HSPA14: variants seen among roughly 807,000 people sequenced by gnomAD.
HSPA14 encodes heat shock 70 kDa protein 14.
A neutral mutation model predicts 65.5 loss-of-function variants in HSPA14; 37 were observed. That is an observed-to-expected ratio of 0.56 (90% CI 0.43 to 0.74). The LOEUF is 0.74. Ranked by LOEUF, HSPA14 falls within the 30% of genes least tolerant of loss-of-function variation. The pLI is 0.00. For synonymous variants in HSPA14, 203 were observed against 214.2 expected (o/e 0.95, Z 0.46); for missense variants, 564 against 607.6 (o/e 0.93, Z 0.75).
At chr10:14,845,998 A>G in intron 3 of HSPA14, 8 of 934,340 alleles carry the variant, frequency 8.6e-6, no homozygotes, top group Non-Finnish European at 8.9e-6. Context: ...TAATTGTAAT[A>G]TTTTCTGTCA....
At chr10:14,843,582 G>A in intron 3 of HSPA14, 1 of 1,550,644 alleles carries the variant, frequency 6.4e-7, no homozygotes. Flanking sequence ...GTGGGGATAG[G>A]CCCTTGACCA....
intron 10 of HSPA14, among the ~76,000 whole-genome samples, chr10:14,863,095 TA>T (rs1832770718): frequency 6.6e-6 from 1 of 152,264 alleles, no homozygotes; most frequent in East Asian, 1.9e-4. Flanking sequence ...ATCTTAAAGC[TA>T]TATAATGAAT....
In HSPA14 at chr10:14,838,464, G is replaced by C. The variant is rs751539073; in HGVS notation, c.57+5G>C. On this transcript the variant is annotated splice_donor_5th_base_variant and intron_variant, in intron 1 of 13. Transcript: ENST00000378372. ...GCCTGTGTGGCCGTCTATAAGGTGA[G>C]GGGCTGCGGAGCTGGGCTAGGGCTT... 10 of 1,602,104 alleles carry C rather than the reference G, an allele frequency of 6.2e-6. No homozygotes were observed. Among genetic ancestry groups the C allele is most frequent in the Middle Eastern group, 1.7e-4 (1 of 5,766 alleles).
chr10:14,846,519 C>G lies in HSPA14; in HGVS notation c.222-2090C>G, dbSNP rs904029797. On this transcript the variant is annotated intron_variant, in intron 3 of 13. Coordinates refer to ENST00000378372, the MANE Select transcript of HSPA14 (RefSeq NM_016299.4). ...GGAGGGAAATTGGAATACAGGGAGA[C>G]AGTGTGCAAGAAAGCAAGCCAGGAA... is the stretch of plus-strand genomic sequence containing the variant. 7 of 985,174 alleles carry G rather than the reference C, an allele frequency of 7.1e-6. No individual in the cohort carries two copies. The Admixed American group carries it at 4.3e-4, about 61-fold the overall frequency. 61.0% of individuals were successfully genotyped at this position (985,174 alleles called of 1,614,324 possible). A position where few individuals can be genotyped will look rare whatever the true frequency, so the allele number is the denominator to read the frequency against.
intron 8 of HSPA14, among the ~76,000 whole-genome samples, chr10:14,853,651 G>T (rs753116824): frequency 6.2e-4 from 95 of 152,288 alleles, no homozygotes; most frequent in Middle Eastern, 3.4e-3. Context: ...AGTGTTTTAG[G>T]AAAGTTTAGA....
At position 14,852,529 on chromosome 10, in the gene HSPA14, A is replaced by G. The variant is rs1245705801; in HGVS notation, c.732A>G (p.Gln244=). 1 of 1,611,342 alleles carries G rather than the reference A, an allele frequency of 6.2e-7. No homozygotes were observed. The change falls in exon 8 of 14, where the codon CAA becomes CAG. Residue 244 remains glutamine, a splice_region_variant and synonymous_variant. Coordinates refer to ENST00000378372, the MANE Select transcript of HSPA14 (RefSeq NM_016299.4). ...TLAQYLASEF[Q]RSFKHDVRGN... is the part of the protein sequence containing the mutation. ...CACAGTATCTAGCTTCTGAGTTCCA[A>G]AGGTGAGTGTTAATGGCCTGAATAA... is the stretch of plus-strand genomic sequence containing the variant.
In HSPA14 at chr10:14,861,770, T is replaced by C. The variant is rs145230082; in HGVS notation, c.994-5313T>C. ...AGCTCACACCTGTAACCCCAGCACA[T>C]TGGGAGGCCAAGGTGGGCAGATCAC... On this transcript the variant is annotated intron_variant, in intron 10 of 13. Coordinates refer to ENST00000378372, the MANE Select transcript of HSPA14 (RefSeq NM_016299.4). 3.9e-3 allele frequency among the ~76,000 whole-genome samples: 589 copies of C among 152,138 alleles called. 3 individuals carry two copies. Among genetic ancestry groups the C allele is most frequent in the African/African-American group, 0.013 (560 of 41,538 alleles).
At chr10:14,849,548 A>G in intron 5 of HSPA14, 173 bp from the exon 6 acceptor site, 1 of 693,612 alleles carries the variant, frequency 1.4e-6, no homozygotes, top group Non-Finnish European at 2.7e-6. Flanking sequence ...AACCACAAGA[A>G]GTGCTGCATG....
chr10:14,847,044 T>G, intron 3 of HSPA14: 1 of 985,480 alleles, frequency 1.0e-6, no homozygotes, highest in African/African-American at 1.7e-5. Flanking sequence ...TGTGGTCCTT[T>G]GTTGCCTCCA....
chr10:14,851,946 T>G (rs933039607), intron 7 of HSPA14, among the ~76,000 whole-genome samples: 8 of 152,156 alleles, frequency 5.3e-5, no homozygotes, highest in Admixed American at 4.6e-4. Flanking sequence ...AAATTATGAG[T>G]TTTAATACAT....
chr10:14,838,837 G>A (rs1453494861), intron 1 of HSPA14, among the ~76,000 whole-genome samples: 2 of 152,104 alleles, frequency 1.3e-5, no homozygotes, highest in Non-Finnish European at 2.9e-5. Flanking sequence ...GCATTTTGGG[G>A]GAGGTCACGG....
Position 14,855,867 on chromosome 10 carries a change from C to A in HSPA14, c.917C>A (p.Pro306Gln), listed in dbSNP as rs1438471420. 1.2e-6 allele frequency: 2 copies of A among 1,604,742 alleles called. No individual in the cohort carries two copies. Among genetic ancestry groups the A allele is most frequent in the Non-Finnish European group, 1.7e-6 (2 of 1,172,038 alleles). The change falls in exon 10 of 14, where the codon CCA becomes CAA. Residue 306 changes from proline to glutamine, a missense_variant. By Grantham distance (76) the Pro-to-Gln change is moderately conservative (BLOSUM62 -1). Coordinates refer to ENST00000378372, the MANE Select transcript of HSPA14 (RefSeq NM_016299.4). Reference protein sequence around the residue: ...SRARFELLCSPLFNKCIEAIR... With the variant: ...SRARFELLCSQLFNKCIEAIR... Reference sequence around the variant, plus strand: ...GCAAGATTTGAACTTCTTTGTTCTCCACTTTTTAATAAGTGTATAGAAGCA... The same window carrying A: ...GCAAGATTTGAACTTCTTTGTTCTCAACTTTTTAATAAGTGTATAGAAGCA...
chr10:14,860,918 C>G (rs1384099164), intron 10 of HSPA14, among the ~76,000 whole-genome samples: 1 of 152,092 alleles, frequency 6.6e-6, no homozygotes, highest in African/African-American at 2.4e-5. Flanking sequence ...CATTTGCAAG[C>G]TAGAAGGGCA....
intron 8 of HSPA14, among the ~76,000 whole-genome samples, chr10:14,852,938 G>A (rs556834719): frequency 1.3e-5 from 2 of 152,196 alleles, no homozygotes; most frequent in East Asian, 1.9e-4. Context: ...GTGAGTTATT[G>A]TCTTATGGAA....
chr10:14,864,620 T>C (rs1832789010), intron 10 of HSPA14, among the ~76,000 whole-genome samples: 1 of 152,186 alleles, frequency 6.6e-6, no homozygotes, highest in African/African-American at 2.4e-5. Context: ...CTGAGAATGA[T>C]GGTTTCCAGC....
chr10:14,856,231 C>T (rs1832691783), intron 10 of HSPA14, among the ~76,000 whole-genome samples: 1 of 152,110 alleles, frequency 6.6e-6, no homozygotes, highest in African/African-American at 2.4e-5. Flanking sequence ...GCACTTTTTC[C>T]AAGAGTTTTA....
intron 12 of HSPA14, among the ~76,000 whole-genome samples, chr10:14,868,378 A>T (rs576809068): frequency 2.0e-5 from 3 of 152,088 alleles, no homozygotes; most frequent in Non-Finnish European, 4.4e-5. Flanking sequence ...GAGACAAGAT[A>T]GGTTTGCTTT....
At chr10:14,848,019 C>A (rs1314425949) in intron 3 of HSPA14, among the ~76,000 whole-genome samples, 1 of 152,184 alleles carries the variant, frequency 6.6e-6, no homozygotes, top group Admixed American at 6.5e-5. Context: ...CCAAACACAC[C>A]CCACTTAGGT....
Position 14,867,105 on chromosome 10 carries a change from C to T in HSPA14, c.1016C>T (p.Ser339Phe), listed in dbSNP as rs1355921791. ...INKVVLCGGS[S>F]RIPKLQQLIK... The stretch of plus-strand genomic sequence containing the variant: ...TAGGTTGTCCTTTGTGGAGGGTCTT[C>T]TCGAATCCCAAAGCTACAGCAACTG... Residue 339 changes from serine to phenylalanine, a missense_variant, in exon 11 of 14, where the codon TCT becomes TTT. By Grantham distance (155) the Ser-to-Phe change is radical. Transcript: ENST00000378372. The T allele has an allele frequency of 6.2e-7, 1 of 1,613,374 alleles. No homozygotes were observed. Among genetic ancestry groups the T allele is most frequent in the South Asian group, 1.1e-5 (1 of 91,062 alleles).
Sources: gnomAD v4.1 joint callset for allele counts (sites outside exome capture counted in the v4.1 genomes callset) on GRCh38, gnomAD v4.1.1 for gene constraint, MANE v1.5 for transcripts, NCBI Gene and HGNC (gene_info 2026-07-23, HGNC 2026-07-21) for gene names.